CACNA1B: variants seen among roughly 807,000 people sequenced by gnomAD.
The protein encoded by CACNA1B is calcium voltage-gated channel subunit alpha1 B.
In CACNA1B, 70 loss-of-function variants were observed where a neutral mutation model predicts 247.2. The observed-to-expected ratio is 0.28, with a 90% CI of 0.23 to 0.35. The LOEUF is 0.35. Ranked by LOEUF, CACNA1B falls within the 10% of genes least tolerant of loss-of-function variation. The probability of loss-of-function intolerance (pLI) is 1.00; values close to 1 mark genes in which losing one functional copy is unlikely to be tolerated. For synonymous variants in CACNA1B, 1,231 were observed against 1,294.4 expected, an observed-to-expected ratio of 0.95 and a Z score of 1.05; for missense variants, 2,367 against 3,197.4, an observed-to-expected ratio of 0.74 and a Z score of 6.26.
At chr9:138,022,054 G>A (rs1958851916) in intron 18 of CACNA1B, among the ~76,000 whole-genome samples, 1 of 152,240 alleles carries the variant, frequency 6.6e-6, no homozygotes, top group Non-Finnish European at 1.5e-5. Flanking sequence ...GGGCTATGGA[G>A]CCCCATGTGT....
chr9:138,056,971 T>C (rs1959526657), intron 26 of CACNA1B, among the ~76,000 whole-genome samples: 1 of 144,700 alleles, frequency 6.9e-6, no homozygotes, highest in Non-Finnish European at 1.5e-5. Context: ...AGTCTCGCTC[T>C]GTTGCCCAGG....
intron 15 of CACNA1B, among the ~76,000 whole-genome samples, chr9:137,989,021 C>T (rs114923354): frequency 6.6e-6 from 1 of 152,284 alleles, no homozygotes; most frequent in African/African-American, 2.4e-5. Flanking sequence ...CATGGTGGAG[C>T]TGCAAACTGA....
At chr9:138,106,186 G>T (rs994894414) in intron 39 of CACNA1B, among the ~76,000 whole-genome samples, 1 of 152,138 alleles carries the variant, frequency 6.6e-6, no homozygotes, top group Non-Finnish European at 1.5e-5. Context: ...GAGCCCATCC[G>T]GTCTTTCCCT....
At position 138,073,453 on chromosome 9, in the gene CACNA1B, T is replaced by C. The variant is rs766933563; in HGVS notation, c.4675-35T>C. 9 of 1,381,280 alleles carry C rather than the reference T, an allele frequency of 6.5e-6. No homozygotes were observed. The Admixed American group carries it at 6.7e-5, about 10-fold the overall frequency. The allele number at this position is 1,381,280 out of a possible 1,614,324, so 85.6% of individuals were successfully genotyped here. On this transcript the variant is annotated intron_variant, in intron 32 of 46. Coordinates refer to ENST00000371372, the MANE Select transcript of CACNA1B (RefSeq NM_000718.4). The surrounding 1 kb of genome is among the most constrained non-coding windows in gnomAD (Gnocchi z 6.4). Reference sequence around the variant, plus strand: ...GCAGCTTGCCTGCGCTTTCGGGGCTTCTGAAGGTCAGAGAACAATTCCTCT... The same window carrying C: ...GCAGCTTGCCTGCGCTTTCGGGGCTCCTGAAGGTCAGAGAACAATTCCTCT...
At chr9:137,995,285 G>A (rs1284743928) in intron 15 of CACNA1B, among the ~76,000 whole-genome samples, 2 of 150,810 alleles carry the variant, frequency 1.3e-5, no homozygotes, top group Non-Finnish European at 2.9e-5. Context: ...TTCAAACTAC[G>A]ATATAAGGTC....
intron 20 of CACNA1B, among the ~76,000 whole-genome samples, chr9:138,035,675 C>G (rs1407937671): frequency 6.6e-6 from 1 of 151,926 alleles, no homozygotes; most frequent in Non-Finnish European, 1.5e-5. Flanking sequence ...CAGTCTTTGT[C>G]TTTCTTGATC....
intron 40 of CACNA1B, 102 bp from the exon 41 acceptor site, chr9:138,114,276 G>T: frequency 1.5e-6 from 1 of 656,900 alleles, no homozygotes; most frequent in Non-Finnish European, 2.8e-6. Context: ...TCTTTGTGGG[G>T]GGCGAGGGAG....
chr9:137,926,537 G>T (rs1957553369), intron 6 of CACNA1B, among the ~76,000 whole-genome samples: 1 of 152,078 alleles, frequency 6.6e-6, no homozygotes, highest in African/African-American at 2.4e-5. Flanking sequence ...CAATTCTTTT[G>T]GGTATATACC....
At chr9:137,911,577 A>C (rs969288992) in intron 3 of CACNA1B, among the ~76,000 whole-genome samples, 3 of 152,024 alleles carry the variant, frequency 2.0e-5, no homozygotes, top group Non-Finnish European at 4.4e-5. Flanking sequence ...TACTGCGCCC[A>C]GCTAGTTTTT....
chr9:137,882,748 A>G lies in CACNA1B; in HGVS notation c.395A>G (p.Asp132Gly). ...ACTGTTCTGCGCTTCTCCTAGGACG[A>G]CACGGAGCCCTATTTCATCGGGATC... ...DKTPMSERLD[D>G]TEPYFIGIFC... The change falls in exon 3 of 47, where the codon GAC becomes GGC. Residue 132 changes from aspartate to glycine, a missense_variant. Coordinates refer to ENST00000371372, the MANE Select transcript of CACNA1B (RefSeq NM_000718.4). This position sits in a 1 kb window ranked among gnomAD's most constrained non-coding sequence, Gnocchi z 4.0. The G allele has an allele frequency of 6.2e-7, 1 of 1,613,964 alleles. No homozygotes were observed. The highest frequency in any genetic ancestry group is 1.3e-5 in the African/African-American group (1 of 75,052).
intron 5 of CACNA1B, among the ~76,000 whole-genome samples, chr9:137,916,481 T>C (rs935182883): frequency 2.0e-5 from 3 of 152,210 alleles, no homozygotes; most frequent in Non-Finnish European, 4.4e-5. Context: ...CCTGGCTGCC[T>C]GCTCGGTTTC....
intron 23 of CACNA1B, among the ~76,000 whole-genome samples, chr9:138,048,221 G>A (rs1183027504): frequency 2.0e-5 from 3 of 152,200 alleles, no homozygotes; most frequent in Non-Finnish European, 2.9e-5. Context: ...CCCTTAGCGA[G>A]GTTATGTTAC....
rs1024683342 is a variant in CACNA1B at position 138,020,604 on chromosome 9, G to A, written c.2268-2407G>A. On this transcript the variant is annotated intron_variant, in intron 18 of 46. Transcript: ENST00000371372. The surrounding 1 kb of genome is among the most constrained non-coding windows in gnomAD (Gnocchi z 4.1). ...GCAGATGCAGACAGTCTCTGGTGAC[G>A]TTAGGGCTGACAGTGGCAGATAGGC... Among the ~76,000 whole-genome samples the A allele has an allele frequency of 2.2e-4, 33 of 152,208 alleles. No individual in the cohort carries two copies. The highest frequency in any genetic ancestry group is 1.9e-3 in the Admixed American group (29 of 15,288).
At chr9:137,958,349 A>G (rs753180205) in intron 10 of CACNA1B, among the ~76,000 whole-genome samples, 1 of 152,216 alleles carries the variant, frequency 6.6e-6, no homozygotes, top group Admixed American at 6.5e-5. Context: ...TGCTCACCTC[A>G]GATAACACAC....
At chr9:138,114,107 T>C (rs1961769375) in intron 40 of CACNA1B, among the ~76,000 whole-genome samples, 1 of 152,184 alleles carries the variant, frequency 6.6e-6, no homozygotes, top group Admixed American at 6.5e-5. Context: ...ATTAAGCAGG[T>C]GGGGATGGCC....
At position 137,986,741 on chromosome 9, in the gene CACNA1B, T is replaced by G. The variant is rs1958367166; in HGVS notation, c.1902-41T>G. The G allele has an allele frequency of 6.5e-7, 1 of 1,542,274 alleles. No homozygotes were observed. The highest frequency in any genetic ancestry group is 1.4e-5 in the African/African-American group (1 of 73,322). On this transcript the variant is annotated intron_variant, in intron 14 of 46. Coordinates refer to ENST00000371372, the MANE Select transcript of CACNA1B (RefSeq NM_000718.4). The surrounding 1 kb of genome is among the most constrained non-coding windows in gnomAD (Gnocchi z 6.0). ...GAGCCTGCAGGCGCTGCCTCGCTGCTGACGGGACTGCCACTTCCCAAGCCT... is the reference window on the plus strand; with the variant it reads ...GAGCCTGCAGGCGCTGCCTCGCTGCGGACGGGACTGCCACTTCCCAAGCCT...
Position 138,094,457 on chromosome 9 carries a change from AAAGAAG to A in CACNA1B, c.5095-2015_5095-2010del, listed in dbSNP as rs1554757332. ...TTTACTACAGTAAAAAAAAAAAAAA[AAAGAAG>A]AAGAAGAAGAAAGTGAACACTCAAA... On this transcript the variant is annotated intron_variant, in intron 36 of 46. Transcript: ENST00000371372. Among the ~76,000 whole-genome samples, 128 of 134,896 alleles carry A rather than the reference AAAGAAG, an allele frequency of 9.5e-4. 1 individual carries two copies. The highest frequency in any genetic ancestry group is 3.4e-3 in the African/African-American group (125 of 37,252). 88.5% of individuals were successfully genotyped at this position (134,896 alleles called of 152,430 possible).
chr9:138,082,570 C>T (rs568103987), intron 36 of CACNA1B, among the ~76,000 whole-genome samples: 2 of 151,498 alleles, frequency 1.3e-5, no homozygotes, highest in East Asian at 4.1e-4. Flanking sequence ...TCTGTTTACA[C>T]TTCCATTTAG....
chr9:137,935,044 G>C (rs1248062801), intron 6 of CACNA1B, among the ~76,000 whole-genome samples: 3 of 152,202 alleles, frequency 2.0e-5, no homozygotes, highest in African/African-American at 7.2e-5. Context: ...AGGCACCAGA[G>C]AAAGGCAAAG....
Sources: gnomAD v4.1 joint callset for allele counts (sites outside exome capture counted in the v4.1 genomes callset) on GRCh38, gnomAD v4.1.1 for gene constraint, Gnocchi (gnomAD v3.1) non-coding constraint, MANE v1.5 for transcripts, NCBI Gene and HGNC (gene_info 2026-07-23, HGNC 2026-07-21) for gene names.